ITGA1: variants seen among roughly 807,000 people sequenced by gnomAD.
The protein encoded by ITGA1 is integrin alpha-1.
A neutral mutation model predicts 145.9 loss-of-function variants in ITGA1; 85 were observed. The ratio of observed to expected loss-of-function variants is 0.58; its 90% CI spans 0.49 to 0.70. The LOEUF is 0.70. Among genes scored for constraint, ITGA1 ranks in the 30% least tolerant of loss-of-function variants. The pLI is 0.00. For synonymous variants in ITGA1, 520 were observed against 495.3 expected (o/e 1.05, Z -0.66); for missense variants, 1,351 against 1,418.7 (o/e 0.95, Z 0.77).
intron 3 of ITGA1, among the ~76,000 whole-genome samples, chr5:52,864,391 C>T (rs1226900949): frequency 3.9e-5 from 6 of 152,132 alleles, no homozygotes; most frequent in Non-Finnish European, 8.8e-5. Context: ...TGCCAAAAAT[C>T]GTGTTTCATC....
chr5:52,844,793 G>T (rs958878750), intron 1 of ITGA1, among the ~76,000 whole-genome samples: 4 of 151,968 alleles, frequency 2.6e-5, no homozygotes, highest in African/African-American at 9.7e-5. Context: ...GCTTTTCTGG[G>T]AGTGGAAGTG....
chr5:52,872,765 G>GTGA (rs1351338423), intron 6 of ITGA1, among the ~76,000 whole-genome samples: 1 of 151,836 alleles, frequency 6.6e-6, no homozygotes, highest in Admixed American at 6.6e-5. Flanking sequence ...TGCTTTTCCT[G>GTGA]TGATTCCCTG....
At chr5:52,924,794 G>A (rs548076346) in intron 18 of ITGA1, among the ~76,000 whole-genome samples, 205 of 152,258 alleles carry the variant, frequency 1.3e-3, no homozygotes, top group Admixed American at 1.3e-3. Flanking sequence ...GACAGGGCTT[G>A]GTGAGTTACA....
chr5:52,867,116 T>A (rs554929761), intron 6 of ITGA1: 111 of 152,060 alleles, frequency 7.3e-4, no homozygotes, highest in African/African-American at 2.6e-3. Context: ...CTACATTAAA[T>A]TTGGAACATA....
At chr5:52,944,722 A>G (rs142971593) in intron 26 of ITGA1, among the ~76,000 whole-genome samples, 69 of 152,220 alleles carry the variant, frequency 4.5e-4, no homozygotes, top group Admixed American at 1.7e-3. Flanking sequence ...ATTTTTTTTC[A>G]TTCCATAACG....
intron 28 of ITGA1, among the ~76,000 whole-genome samples, chr5:52,949,203 G>T (rs1751181611): frequency 6.6e-6 from 1 of 152,168 alleles, no homozygotes; most frequent in Non-Finnish European, 1.5e-5. Context: ...CTTATCGAAT[G>T]CTTACTATGT....
intron 14 of ITGA1, 61 bp downstream of exon 14, chr5:52,910,480 T>G: frequency 6.5e-7 from 1 of 1,533,960 alleles, no homozygotes; most frequent in Non-Finnish European, 8.9e-7. Flanking sequence ...ATGCCAGGCA[T>G]TACCTGTCTA....
In ITGA1 at chr5:52,801,750, C is replaced by G. The variant is rs146777292; in HGVS notation, c.61+13336C>G. On this transcript the variant is annotated intron_variant, in intron 1 of 28. Coordinates refer to ENST00000282588, the MANE Select transcript of ITGA1 (RefSeq NM_181501.2). ...GTCTTCACGTTTCTGGGGAACAGCT[C>G]AGCCAGTTGACTGGGGTAGCTGCCA... The G allele has an allele frequency of 4.2e-5, 67 of 1,614,036 alleles. No homozygotes were observed. In the African/African-American group the frequency reaches 8.7e-4, roughly 21 times the overall value.
At position 52,910,498 on chromosome 5, in the gene ITGA1, G is replaced by A. The variant is rs1215480459; in HGVS notation, c.1857+79G>A. On this transcript the variant is annotated intron_variant, in intron 14 of 28. Transcript: ENST00000282588. ...CCAGGCATTACCTGTCTAACTTCAT[G>A]AGTTATTTAATTTCTTCCTCCTGAC... 9 of 1,457,126 alleles carry A rather than the reference G, an allele frequency of 6.2e-6. No individual in the cohort carries two copies. In the South Asian group the frequency reaches 9.2e-5, roughly 15 times the overall value. 90.3% of individuals were successfully genotyped at this position (1,457,126 alleles called of 1,614,324 possible).
intron 7 of ITGA1, among the ~76,000 whole-genome samples, chr5:52,884,849 C>T (rs1055615069): frequency 1.8e-4 from 28 of 152,176 alleles, no homozygotes; most frequent in African/African-American, 6.5e-4. Context: ...TTCTAGAATT[C>T]AATTCAGTTC....
At chr5:52,824,042 T>A (rs1748920199) in intron 1 of ITGA1, among the ~76,000 whole-genome samples, 1 of 152,158 alleles carries the variant, frequency 6.6e-6, no homozygotes, top group Admixed American at 6.5e-5. Flanking sequence ...TGTTTTATGT[T>A]CTCATACTTA....
chr5:52,876,077 TG>T (rs1459933720), intron 6 of ITGA1, among the ~76,000 whole-genome samples: 1 of 152,186 alleles, frequency 6.6e-6, no homozygotes, highest in African/African-American at 2.4e-5. Context: ...GATTTTCACG[TG>T]GGAGAGAATA....
At chr5:52,800,328 T>C in intron 1 of ITGA1, 1 of 1,580,964 alleles carries the variant, frequency 6.3e-7, no homozygotes, top group Non-Finnish European at 8.6e-7. Flanking sequence ...TCCCATCCCC[T>C]CTCCCGGGGC....
At chr5:52,811,679 GA>G (rs1291318710) in intron 1 of ITGA1, among the ~76,000 whole-genome samples, 2 of 152,162 alleles carry the variant, frequency 1.3e-5, no homozygotes, top group Non-Finnish European at 2.9e-5. Context: ...ATACGTGCAT[GA>G]AAATCTTGAG....
At chr5:52,894,211 G>A (rs904347471) in intron 9 of ITGA1, among the ~76,000 whole-genome samples, 3 of 151,928 alleles carry the variant, frequency 2.0e-5, no homozygotes, top group Non-Finnish European at 2.9e-5. Context: ...TTGTTTGTTT[G>A]TTTCTTCATT....
chr5:52,800,401 C>T, intron 1 of ITGA1: 1 of 1,613,924 alleles, frequency 6.2e-7, no homozygotes, highest in Non-Finnish European at 8.5e-7. Flanking sequence ...GGCCATGAAG[C>T]TCGTGAGGAA....
chr5:52,790,699 C>T (rs370545623), intron 1 of ITGA1, among the ~76,000 whole-genome samples: 23 of 152,298 alleles, frequency 1.5e-4, no homozygotes, highest in Non-Finnish European at 2.9e-4. Flanking sequence ...AATGTGCCTA[C>T]CAGAATAATC....
chr5:52,877,837 C>A (rs1383160861), intron 6 of ITGA1, among the ~76,000 whole-genome samples: 6 of 152,160 alleles, frequency 3.9e-5, no homozygotes, highest in African/African-American at 1.4e-4. Context: ...TTGGGGCTCA[C>A]CTGTCCTGCA....
intron 14 of ITGA1, among the ~76,000 whole-genome samples, chr5:52,910,715 G>T (rs1011955194): frequency 7.0e-6 from 1 of 142,376 alleles, no homozygotes; most frequent in Admixed American, 7.1e-5. Flanking sequence ...TACTATATAT[G>T]GTATATATAG....
Sources: gnomAD v4.1 joint callset for allele counts (sites outside exome capture counted in the v4.1 genomes callset) on GRCh38, gnomAD v4.1.1 for gene constraint, MANE v1.5 for transcripts, NCBI Gene and HGNC (gene_info 2026-07-23, HGNC 2026-07-21) for gene names.